The following EYS variants were observed in gnomAD, a reference collection of about 807,000 sequenced individuals.
EYS encodes EGF-like photoreceptor maintenance factor, also known as protein eyes shut homolog.
In EYS, 250 loss-of-function variants were observed where a neutral mutation model predicts 282.1. The ratio of observed to expected loss-of-function variants is 0.89; its 90% CI spans 0.80 to 0.98. The LOEUF (loss-of-function observed/expected upper bound fraction) is 0.98, where lower values mean the gene tolerates loss of function less well. EYS is among the 50% of genes least tolerant of loss of function. The probability of loss-of-function intolerance (pLI) is 0.00; values close to 1 mark genes in which losing one functional copy is unlikely to be tolerated. For synonymous variants in EYS, 1,355 were observed against 1,282.9 expected (o/e 1.06, Z -1.20); for missense variants, 4,016 against 3,709.0 (o/e 1.08, Z -2.15).
At chr6:65,199,579 T>A (rs573883604) in intron 12 of EYS, among the ~76,000 whole-genome samples, 2 of 152,056 alleles carry the variant, frequency 1.3e-5, no homozygotes, top group Middle Eastern at 6.8e-3. Context: ...TGCTATAGAG[T>A]GTCTATCATA....
intron 11 of EYS, among the ~76,000 whole-genome samples, chr6:65,318,876 AAG>A (rs1326002657): frequency 6.7e-6 from 1 of 150,052 alleles, no homozygotes; most frequent in East Asian, 2.0e-4. Context: ...TCCTGAGCTC[AAG>A]GGATCCACCC....
chr6:64,811,995 A>G (rs969534641), intron 22 of EYS, among the ~76,000 whole-genome samples: 11 of 152,076 alleles, frequency 7.2e-5, no homozygotes, highest in Non-Finnish European at 1.0e-4. Flanking sequence ...ATTTCCATGA[A>G]TTGAATCCTG....
chr6:63,763,901 T>TATATATATATATATA (rs1562015039), intron 40 of EYS, among the ~76,000 whole-genome samples: 2 of 143,468 alleles, frequency 1.4e-5, no homozygotes, highest in African/African-American at 5.2e-5. Context: ...TATATATATA[T>TATATATATATATATA]TTGATAAACT....
intron 37 of EYS, among the ~76,000 whole-genome samples, chr6:63,790,941 C>T (rs1245020706): frequency 3.9e-5 from 6 of 152,148 alleles, no homozygotes; most frequent in Non-Finnish European, 7.3e-5. Flanking sequence ...CTGTCTTGTG[C>T]TCTCCTTCCT....
intron 41 of EYS, among the ~76,000 whole-genome samples, chr6:63,735,291 T>C (rs1312941639): frequency 1.3e-5 from 2 of 152,150 alleles, no homozygotes; most frequent in Admixed American, 6.6e-5. Context: ...AGGGTGCTTA[T>C]AAGAGGTGTG....
chr6:64,977,314 A>AT (rs1770502438), intron 14 of EYS, among the ~76,000 whole-genome samples: 1 of 151,872 alleles, frequency 6.6e-6, no homozygotes, highest in African/African-American at 2.4e-5. Context: ...GTGATCAGTA[A>AT]TTTTTTATGT....
At chr6:64,535,201 T>C in intron 26 of EYS, among the ~76,000 whole-genome samples, 1 of 152,212 alleles carries the variant, frequency 6.6e-6, no homozygotes, top group East Asian at 1.9e-4. Flanking sequence ...CTTTGACCGA[T>C]ATTGAACAAA....
intron 13 of EYS, 67 bp from the exon 14 acceptor site, chr6:64,997,770 G>C: frequency 7.1e-7 from 1 of 1,413,760 alleles, no homozygotes; most frequent in Non-Finnish European, 9.5e-7. Context: ...ATTATAATTA[G>C]TCTAAAATTC....
intron 30 of EYS, among the ~76,000 whole-genome samples, chr6:64,274,772 A>T (rs1421128762): frequency 1.3e-5 from 2 of 152,120 alleles, no homozygotes; most frequent in Non-Finnish European, 2.9e-5. Flanking sequence ...ACTTAGACTC[A>T]TTGAGAATGA....
At chr6:65,616,953 G>A (rs1562290948) in intron 2 of EYS, among the ~76,000 whole-genome samples, 1 of 152,050 alleles carries the variant, frequency 6.6e-6, no homozygotes, top group Non-Finnish European at 1.5e-5. Flanking sequence ...TTATTTATAC[G>A]AATTAAGTAT....
chr6:63,927,620 T>C (rs1764755276), intron 35 of EYS, among the ~76,000 whole-genome samples: 1 of 152,218 alleles, frequency 6.6e-6, no homozygotes, highest in Admixed American at 6.5e-5. Flanking sequence ...TCTATATTCC[T>C]CCTGTGGCCA....
In EYS at chr6:64,853,404, T is replaced by C. The variant is rs140902842; in HGVS notation, c.2993-30582A>G. On this transcript the variant is annotated intron_variant, in intron 19 of 42. Coordinates refer to ENST00000503581, the MANE Select transcript of EYS (RefSeq NM_001142800.2). ...AATTTTGTGTCCAGGGCTTTCTTTTTCCATGCAGAATACCAGGTTTCCAAA... is the reference window on the plus strand; with the variant it reads ...AATTTTGTGTCCAGGGCTTTCTTTTCCCATGCAGAATACCAGGTTTCCAAA... 3.8e-3 allele frequency among the ~76,000 whole-genome samples: 583 copies of C among 152,226 alleles called. 2 individuals carry two copies. The highest frequency in any genetic ancestry group is 0.013 in the African/African-American group (551 of 41,550).
At chr6:64,993,099 A>T (rs940536518) in intron 14 of EYS, among the ~76,000 whole-genome samples, 3 of 152,072 alleles carry the variant, frequency 2.0e-5, no homozygotes, top group Non-Finnish European at 2.9e-5. Flanking sequence ...TGAACTGTAT[A>T]GCAAAGGCTG....
chr6:65,098,489 C>T (rs373678452), intron 12 of EYS, among the ~76,000 whole-genome samples: 1 of 150,754 alleles, frequency 6.6e-6, no homozygotes, highest in Non-Finnish European at 1.5e-5. Flanking sequence ...TAGTAAAGCT[C>T]TTAGTGCCAG....
chr6:64,602,494 G>A (rs185323871), intron 24 of EYS, among the ~76,000 whole-genome samples: 2 of 152,172 alleles, frequency 1.3e-5, no homozygotes, highest in Middle Eastern at 3.4e-3. Flanking sequence ...CATGTGAACA[G>A]TCTGTCTTGA....
At chr6:63,731,362 G>C (rs1768776716) in intron 41 of EYS, among the ~76,000 whole-genome samples, 1 of 151,998 alleles carries the variant, frequency 6.6e-6, no homozygotes, top group African/African-American at 2.4e-5. Flanking sequence ...GTTTATGTCT[G>C]TTGTATGTTT....
chr6:65,600,856 A>C (rs1029268780), intron 2 of EYS, among the ~76,000 whole-genome samples: 1 of 151,990 alleles, frequency 6.6e-6, no homozygotes, highest in African/African-American at 2.4e-5. Context: ...CTCATGGGCT[A>C]TTCTATGGAA....
rs60974147 is a variant in EYS at position 64,698,719 on chromosome 6, TA to T, written c.3444-72475del. On this transcript the variant is annotated intron_variant, in intron 22 of 42. Coordinates refer to ENST00000503581, the MANE Select transcript of EYS (RefSeq NM_001142800.2). ...TATAAACATGTGGCAAACAAGCATA[TA>T]AAAAAAGCTCAATATCAATCATCAT... 6.6e-3 allele frequency among the ~76,000 whole-genome samples: 1,001 copies of T among 151,986 alleles called. 15 individuals carry two copies. The highest frequency in any genetic ancestry group is 0.023 in the African/African-American group (956 of 41,454).
intron 12 of EYS, among the ~76,000 whole-genome samples, chr6:65,113,692 G>A (rs1244830865): frequency 7.2e-6 from 1 of 138,736 alleles, no homozygotes; most frequent in Non-Finnish European, 1.5e-5. Context: ...AGAAACAAAC[G>A]TGGCATCTTT....
Sources: allele counts gnomAD v4.1 joint callset (sites outside exome capture counted in the v4.1 genomes callset), GRCh38; gene constraint gnomAD v4.1.1; transcripts MANE v1.5; gene names NCBI Gene and HGNC (gene_info 2026-07-23, HGNC 2026-07-21).